The following KSR2 variants were observed in gnomAD, a reference collection of about 807,000 sequenced individuals.
The protein encoded by KSR2 is kinase suppressor of ras 2.
Under a neutral mutation model 107.8 loss-of-function variants are expected in KSR2, and 25 were observed. That is an observed-to-expected ratio of 0.23 (90% CI 0.17 to 0.32). The LOEUF is 0.32. Among genes scored for constraint, KSR2 ranks in the 10% least tolerant of loss-of-function variants. KSR2 has a pLI of 1.00. For synonymous variants in KSR2, 480 were observed against 507.0 expected, an observed-to-expected ratio of 0.95 and a Z score of 0.71; for missense variants, 887 against 1,268.9, an observed-to-expected ratio of 0.70 and a Z score of 4.57.
chr12:117,794,891 A>G (rs1025779422), intron 3 of KSR2, among the ~76,000 whole-genome samples: 3 of 152,224 alleles, frequency 2.0e-5, no homozygotes, highest in Non-Finnish European at 4.4e-5. Flanking sequence ...AGCTGATTAG[A>G]GGGCTCTTGT....
At chr12:117,742,605 A>T (rs1176312954) in intron 4 of KSR2, among the ~76,000 whole-genome samples, 1 of 152,178 alleles carries the variant, frequency 6.6e-6, no homozygotes, top group Admixed American at 6.6e-5. Context: ...GGGTAGAATA[A>T]AATATTGACA....
At chr12:117,494,046 G>A (rs979901524) in intron 14 of KSR2, among the ~76,000 whole-genome samples, 7 of 152,186 alleles carry the variant, frequency 4.6e-5, no homozygotes, top group Non-Finnish European at 7.4e-5. Flanking sequence ...GGACTAATAC[G>A]GGCAGGGACT....
chr12:117,749,317 T>C (rs1166761284), intron 4 of KSR2, among the ~76,000 whole-genome samples: 3 of 151,376 alleles, frequency 2.0e-5, no homozygotes, highest in Non-Finnish European at 4.4e-5. Context: ...GGAGCATCAA[T>C]TCCTAAGTGA....
chr12:117,587,516 T>A (rs1880076382), intron 5 of KSR2, among the ~76,000 whole-genome samples: 1 of 152,154 alleles, frequency 6.6e-6, no homozygotes, highest in African/African-American at 2.4e-5. Flanking sequence ...CTTAATCCCA[T>A]TGGCATCCAT....
rs1340554517 is a variant in KSR2 at position 117,463,397 on chromosome 12, C to A, written c.*3802G>T. 6.6e-6 allele frequency: 1 copy of A among 152,212 alleles called. No individual in the cohort carries two copies. The highest frequency in any genetic ancestry group is 2.4e-5 in the African/African-American group (1 of 41,442). The allele number at this position is 152,212 out of a possible 1,614,324, so 9.4% of individuals were successfully genotyped here. A position where few individuals can be genotyped will look rare whatever the true frequency, so the allele number is the denominator to read the frequency against. ...GACAGCCATATCCAATCCTCTCTAT[C>A]AAAGGCTAGCAAAGTTAGGAAAGGG... On this transcript the variant is annotated 3_prime_UTR_variant, in exon 20 of 20. Transcript: ENST00000339824.
chr12:117,912,505 G>C (rs1895045715), intron 1 of KSR2, among the ~76,000 whole-genome samples: 1 of 152,188 alleles, frequency 6.6e-6, no homozygotes, highest in Admixed American at 6.5e-5. Flanking sequence ...AATTCTGTTT[G>C]TCCACAGGAA....
At chr12:117,765,616 C>A (rs1593214331) in intron 3 of KSR2, among the ~76,000 whole-genome samples, 3 of 152,072 alleles carry the variant, frequency 2.0e-5, no homozygotes, top group South Asian at 2.1e-4. Flanking sequence ...TCAAAAAAAA[C>A]CTATTTTTGC....
At chr12:117,506,737 T>C (rs866249678) in intron 14 of KSR2, among the ~76,000 whole-genome samples, 1 of 152,246 alleles carries the variant, frequency 6.6e-6, no homozygotes, top group Non-Finnish European at 1.5e-5. Context: ...GCATGGCTTA[T>C]TCTGGGAATA....
chr12:117,875,386 G>T, intron 1 of KSR2, among the ~76,000 whole-genome samples: 1 of 151,066 alleles, frequency 6.6e-6, no homozygotes, highest in African/African-American at 2.4e-5. Context: ...AGCTGGGAGG[G>T]AATGCAGGAC....
chr12:117,485,768 C>A, intron 14 of KSR2, 77 bp from the exon 15 acceptor site: 19 of 959,054 alleles, frequency 2.0e-5, no homozygotes, highest in Non-Finnish European at 3.0e-5. Context: ...CTACAAGTGA[C>A]AAATGATGGC....
intron 1 of KSR2, among the ~76,000 whole-genome samples, chr12:117,892,787 C>CAAAAAAAAAAAAAAAAAAA (rs35897528): frequency 2.3e-5 from 2 of 87,130 alleles, no homozygotes; most frequent in Non-Finnish European, 2.4e-5. Context: ...GTGCTATGTG[C>CAAAAAAAAAAAAAAAAAAA]AAAAAAAAAA....
At chr12:117,566,548 C>T (rs565114328) in intron 7 of KSR2, among the ~76,000 whole-genome samples, 7 of 152,160 alleles carry the variant, frequency 4.6e-5, no homozygotes, top group South Asian at 2.1e-4. Context: ...CATCCATGTT[C>T]GTGCAAAGGA....
At chr12:117,479,554 CT>C (rs1872026496) in intron 16 of KSR2, among the ~76,000 whole-genome samples, 3 of 152,216 alleles carry the variant, frequency 2.0e-5, no homozygotes, top group Admixed American at 2.0e-4. Flanking sequence ...CCCCCTCCCC[CT>C]AATCATGACA....
intron 4 of KSR2, among the ~76,000 whole-genome samples, chr12:117,733,342 T>C (rs979694642): frequency 3.3e-5 from 5 of 152,188 alleles, no homozygotes; most frequent in Non-Finnish European, 7.3e-5. Flanking sequence ...CGGGCCATGA[T>C]GCCTGCTATT....
At chr12:117,930,752 A>T (rs1342979950) in intron 1 of KSR2, among the ~76,000 whole-genome samples, 1 of 152,132 alleles carries the variant, frequency 6.6e-6, no homozygotes, top group Non-Finnish European at 1.5e-5. Flanking sequence ...CATCTGTACT[A>T]AAAAGACAAA....
intron 1 of KSR2, among the ~76,000 whole-genome samples, chr12:117,963,575 C>G (rs1312363821): frequency 6.6e-6 from 1 of 151,992 alleles, no homozygotes; most frequent in Non-Finnish European, 1.5e-5. Flanking sequence ...TGCACTCCAG[C>G]CTGAGTTACA....
chr12:117,801,805 G>T (rs539101553), intron 3 of KSR2, among the ~76,000 whole-genome samples: 1 of 145,340 alleles, frequency 6.9e-6, no homozygotes, highest in East Asian at 2.1e-4. Context: ...ATGGAGAAGG[G>T]GCCAGGGAGG....
chr12:117,705,717 C>T (rs1424226625), intron 4 of KSR2, among the ~76,000 whole-genome samples: 2 of 152,210 alleles, frequency 1.3e-5, no homozygotes, highest in Non-Finnish European at 2.9e-5. Flanking sequence ...CATAACGAAG[C>T]ACTTAGAACC....
chr12:117,584,763 G>A (rs1307369987), intron 5 of KSR2, among the ~76,000 whole-genome samples: 4 of 152,190 alleles, frequency 2.6e-5, no homozygotes, highest in Non-Finnish European at 5.9e-5. Flanking sequence ...TGATTACTCA[G>A]TAGGTGCTAG....
Sources: gnomAD v4.1 joint callset for allele counts (sites outside exome capture counted in the v4.1 genomes callset) on GRCh38, gnomAD v4.1.1 for gene constraint, MANE v1.5 for transcripts, NCBI Gene and HGNC (gene_info 2026-07-23, HGNC 2026-07-21) for gene names.